Variants in TMEM108 observed in about 807,000 individuals in gnomAD.
TMEM108 encodes the protein cancer/testis antigen 124.
In TMEM108, 12 loss-of-function variants were observed where a neutral mutation model predicts 35.1. The ratio of observed to expected loss-of-function variants is 0.34; its 90% confidence interval spans 0.22 to 0.55. The LOEUF is 0.55. Among genes scored for constraint, TMEM108 ranks in the 20% least tolerant of loss-of-function variants. The probability of loss-of-function intolerance (pLI) is 0.89; values close to 1 mark genes in which losing one functional copy is unlikely to be tolerated. For synonymous variants in TMEM108, 287 were observed against 308.6 expected, an observed-to-expected ratio of 0.93 and a Z score of 0.73; for missense variants, 680 against 753.3, an observed-to-expected ratio of 0.90 and a Z score of 1.14.
At chr3:133,319,914 C>G (rs1167432032) in intron 3 of TMEM108, among the ~76,000 whole-genome samples, 3 of 152,128 alleles carry the variant, frequency 2.0e-5, no homozygotes, top group Admixed American at 6.5e-5. Flanking sequence ...CCAGATTTTT[C>G]CACTGAAATA....
Position 133,360,978 on chromosome 3 carries a change from G to C in TMEM108, c.41-18774G>C, listed in dbSNP as rs145634487. Among the ~76,000 whole-genome samples the C allele has an allele frequency of 8.5e-3, 1,299 of 152,272 alleles. 7 individuals carry two copies. Among genetic ancestry groups the C allele is most frequent in the Admixed American group, 0.016 (240 of 15,294 alleles). On this transcript the variant is annotated intron_variant, in intron 3 of 5. Transcript: ENST00000321871. ...CTCTAAAAGGCCACTAGAGTTCTAGGACATCACAGCCCTCATGTAACCTCA... is the reference window on the plus strand; with the variant it reads ...CTCTAAAAGGCCACTAGAGTTCTAGCACATCACAGCCCTCATGTAACCTCA...
At chr3:133,206,676 T>C (rs1945759886) in intron 2 of TMEM108, among the ~76,000 whole-genome samples, 1 of 152,204 alleles carries the variant, frequency 6.6e-6, no homozygotes, top group Non-Finnish European at 1.5e-5. Flanking sequence ...CTCTGGAAGC[T>C]TTGTCCCAGA....
At position 133,292,416 on chromosome 3, in the gene TMEM108, T is replaced by G. The variant is rs555781670; in HGVS notation, c.40+63065T>G. On this transcript the variant is annotated intron_variant, in intron 3 of 5. Coordinates refer to ENST00000321871, the MANE Select transcript of TMEM108 (RefSeq NM_023943.4). The stretch of plus-strand genomic sequence containing the variant: ...CTTGCCCAGTCCTCATTAGGCCCAT[T>G]GCCAGGGTTTCGGTTGATCTCAGGC... 7.2e-5 allele frequency among the ~76,000 whole-genome samples: 11 copies of G among 152,324 alleles called. No homozygotes were observed. The South Asian group carries it at 2.1e-3, about 29-fold the overall frequency.
intron 2 of TMEM108, among the ~76,000 whole-genome samples, chr3:133,195,629 T>C (rs551092976): frequency 3.3e-5 from 5 of 152,316 alleles, no homozygotes; most frequent in Admixed American, 2.0e-4. Context: ...CGGGATATAT[T>C]GTACCACTTA....
At chr3:133,295,598 C>A (rs962446255) in intron 3 of TMEM108, among the ~76,000 whole-genome samples, 6 of 152,106 alleles carry the variant, frequency 3.9e-5, no homozygotes, top group Non-Finnish European at 8.8e-5. Flanking sequence ...CAGTGACTTG[C>A]CCAAAAGCAT....
chr3:133,311,204 C>A (rs2107711657), intron 3 of TMEM108, among the ~76,000 whole-genome samples: 2 of 152,284 alleles, frequency 1.3e-5, no homozygotes, highest in Middle Eastern at 6.8e-3. Flanking sequence ...TGGGGTTGCT[C>A]TTCTCGAAGA....
At chr3:133,370,322 A>G (rs1016819869) in intron 3 of TMEM108, among the ~76,000 whole-genome samples, 4 of 152,096 alleles carry the variant, frequency 2.6e-5, no homozygotes, top group East Asian at 3.9e-4. Flanking sequence ...TTTATAGACT[A>G]TCCCTCAATT....
intron 2 of TMEM108, among the ~76,000 whole-genome samples, chr3:133,074,065 G>A (rs1943711409): frequency 6.6e-6 from 1 of 152,018 alleles, no homozygotes; most frequent in African/African-American, 2.4e-5. Flanking sequence ...TAATTAAAAA[G>A]TAGTAGAGTT....
intron 2 of TMEM108, among the ~76,000 whole-genome samples, chr3:133,150,747 G>T (rs1483967538): frequency 6.6e-6 from 1 of 152,150 alleles, no homozygotes; most frequent in Non-Finnish European, 1.5e-5. Context: ...GGTGAGATCA[G>T]AGACATGATG....
chr3:133,244,099 C>T (rs187107101), intron 3 of TMEM108, among the ~76,000 whole-genome samples: 29 of 152,234 alleles, frequency 1.9e-4, no homozygotes, highest in Non-Finnish European at 3.2e-4. Flanking sequence ...ATTATAATCT[C>T]GGATCTCTCA....
At chr3:133,185,406 C>G (rs1945404169) in intron 2 of TMEM108, among the ~76,000 whole-genome samples, 1 of 150,984 alleles carries the variant, frequency 6.6e-6, no homozygotes, top group South Asian at 2.1e-4. Context: ...CCTGCCTTCA[C>G]TTCTGCCTAT....
At chr3:133,243,072 G>A (rs901575488) in intron 3 of TMEM108, among the ~76,000 whole-genome samples, 2 of 152,200 alleles carry the variant, frequency 1.3e-5, no homozygotes, top group Admixed American at 1.3e-4. Flanking sequence ...GGGCATCCCT[G>A]GAAGCAGTGG....
chr3:133,164,739 T>C (rs533591568), intron 2 of TMEM108, among the ~76,000 whole-genome samples: 25 of 152,204 alleles, frequency 1.6e-4, no homozygotes, highest in Admixed American at 5.9e-4. Flanking sequence ...TTGAATGAGA[T>C]AATGTTAAGG....
At chr3:133,209,032 A>G (rs1347272425) in intron 2 of TMEM108, among the ~76,000 whole-genome samples, 9 of 152,144 alleles carry the variant, frequency 5.9e-5, no homozygotes, top group Admixed American at 5.9e-4. Flanking sequence ...ATTGATAGTA[A>G]TGCTGAGACT....
rs149076498 is a variant in TMEM108 at position 133,339,428 on chromosome 3, C to T, written c.41-40324C>T. On this transcript the variant is annotated intron_variant, in intron 3 of 5. Coordinates refer to ENST00000321871, the MANE Select transcript of TMEM108 (RefSeq NM_023943.4). ...TAGAATAATTTTAAATATATATACA[C>T]CCAACACTGGAGCACCCAGATATTT... 2.5e-3 allele frequency among the ~76,000 whole-genome samples: 380 copies of T among 151,880 alleles called. 1 individual carries two copies. The highest frequency in any genetic ancestry group is 8.7e-3 in the African/African-American group (360 of 41,486).
At chr3:133,052,261 T>C (rs1167870781) in intron 2 of TMEM108, among the ~76,000 whole-genome samples, 1 of 152,116 alleles carries the variant, frequency 6.6e-6, no homozygotes, top group Non-Finnish European at 1.5e-5. Flanking sequence ...TGGTATTGTG[T>C]TTTTTATTTC....
intron 2 of TMEM108, among the ~76,000 whole-genome samples, chr3:133,198,499 A>G (rs1945612645): frequency 6.6e-6 from 1 of 152,222 alleles, no homozygotes; most frequent in Non-Finnish European, 1.5e-5. Flanking sequence ...CTGACAAGTA[A>G]CTGCAAACCA....
At chr3:133,279,240 C>G (rs17297332) in intron 3 of TMEM108, among the ~76,000 whole-genome samples, 20,578 of 152,244 alleles carry the variant, frequency 0.14, 1,488 homozygotes, top group South Asian at 0.22. Flanking sequence ...ACCTCCCCAT[C>G]ATCACTGTGG....
At chr3:133,174,767 C>T (rs547799415) in intron 2 of TMEM108, among the ~76,000 whole-genome samples, 11 of 152,270 alleles carry the variant, frequency 7.2e-5, no homozygotes, top group Admixed American at 1.3e-4. Flanking sequence ...AAAATCAGAG[C>T]GCTTCTCTCC....
Sources: allele counts gnomAD v4.1 joint callset (sites outside exome capture counted in the v4.1 genomes callset), GRCh38; gene constraint gnomAD v4.1.1; transcripts MANE v1.5; gene names NCBI Gene and HGNC (gene_info 2026-07-23, HGNC 2026-07-21).